CDC73: variants seen among roughly 807,000 people sequenced by gnomAD.
CDC73 encodes the protein cell division cycle 73.
In CDC73, 21 loss-of-function variants were observed where a neutral mutation model predicts 83.7. That is an observed-to-expected ratio of 0.25 (90% confidence interval 0.18 to 0.36). The LOEUF is 0.36. Ranked by LOEUF, CDC73 falls within the 10% of genes least tolerant of loss-of-function variation. The pLI is 1.00. For synonymous variants in CDC73, 224 were observed against 212.9 expected (o/e 1.05, Z -0.45); for missense variants, 342 against 653.3 (o/e 0.52, Z 5.19).
intron 11 of CDC73, among the ~76,000 whole-genome samples, chr1:193,209,531 T>C (rs74843493): frequency 0.011 from 1,623 of 152,282 alleles, 30 homozygotes; most frequent in African/African-American, 0.036. Context: ...TTGCTGTTGA[T>C]CACTCTGTCA....
intron 13 of CDC73, among the ~76,000 whole-genome samples, chr1:193,221,195 G>T (rs1677463835): frequency 6.6e-6 from 1 of 152,174 alleles, no homozygotes; most frequent in African/African-American, 2.4e-5. Context: ...AGAGAAGATT[G>T]GAGGATGGGG....
intron 10 of CDC73, among the ~76,000 whole-genome samples, chr1:193,165,223 A>T (rs1489627655): frequency 6.6e-6 from 1 of 152,212 alleles, no homozygotes; most frequent in East Asian, 1.9e-4. Context: ...ACAGGTTGAT[A>T]GTCAAATTAA....
At chr1:193,187,361 T>C (rs2103165037) in intron 10 of CDC73, among the ~76,000 whole-genome samples, 1 of 152,228 alleles carries the variant, frequency 6.6e-6, no homozygotes, top group East Asian at 1.9e-4. Flanking sequence ...GATCTGGGGG[T>C]AATGAGATTT....
chr1:193,248,146 T>G (rs1677984270), intron 15 of CDC73, among the ~76,000 whole-genome samples: 1 of 152,078 alleles, frequency 6.6e-6, no homozygotes, highest in Admixed American at 6.6e-5. Flanking sequence ...AGATGGGGAC[T>G]TTGAGTTGCA....
At chr1:193,234,759 A>C (rs1390462404) in intron 14 of CDC73, among the ~76,000 whole-genome samples, 3 of 152,148 alleles carry the variant, frequency 2.0e-5, no homozygotes, top group Non-Finnish European at 2.9e-5. Context: ...TGGGCTTTCA[A>C]CTGTTGTAAG....
chr1:193,125,046 A>T, intron 1 of CDC73, 66 bp from the exon 2 acceptor site: 1 of 843,280 alleles, frequency 1.2e-6, no homozygotes, highest in East Asian at 2.5e-5. Context: ...GTTTATATAA[A>T]TGAATCCAGC....
chr1:193,250,399 G>A (rs1678026079), intron 16 of CDC73, among the ~76,000 whole-genome samples: 1 of 151,754 alleles, frequency 6.6e-6, no homozygotes, highest in African/African-American at 2.4e-5. Context: ...TTCTCTTTGA[G>A]GTATGCTCCT....
At chr1:193,228,832 A>G (rs1173659733) in intron 13 of CDC73, among the ~76,000 whole-genome samples, 18 of 152,182 alleles carry the variant, frequency 1.2e-4, no homozygotes, top group Admixed American at 1.2e-3. Context: ...CACCATTAAG[A>G]AAATAAAAAG....
chr1:193,140,041 A>T lies in CDC73; in HGVS notation c.513-1809A>T, dbSNP rs1033849030. Among the ~76,000 whole-genome samples the T allele has an allele frequency of 1.1e-4, 16 of 152,300 alleles. 1 individual carries two copies. The highest frequency in any genetic ancestry group is 8.5e-4 in the Admixed American group (13 of 15,298). On this transcript the variant is annotated intron_variant, in intron 6 of 16. Transcript: ENST00000367435. Reference sequence around the variant, plus strand: ...AGTTCTCAGGTCTTCTGACCTATGAATTCTAAACACCTTGGTCTTGCTGTA... The same window carrying T: ...AGTTCTCAGGTCTTCTGACCTATGATTTCTAAACACCTTGGTCTTGCTGTA...
chr1:193,253,134 A>G lies in CDC73; in HGVS notation c.*2422A>G, dbSNP rs1678070394. 4.3e-6 allele frequency: 1 copy of G among 232,330 alleles called. No individual in the cohort carries two copies. The highest frequency in any genetic ancestry group is 2.2e-5 in the African/African-American group (1 of 45,304). The allele number at this position is 232,330 out of a possible 1,614,324, so 14.4% of individuals were successfully genotyped here. On this transcript the variant is annotated 3_prime_UTR_variant, in exon 17 of 17. Coordinates refer to ENST00000367435, the MANE Select transcript of CDC73 (RefSeq NM_024529.5). ...TTCTTCTCAGTCAAGGAACAGTAAG[A>G]AATATGTAGGTTTCAATCAGTTGCT... is the stretch of plus-strand genomic sequence containing the variant.
intron 3 of CDC73, among the ~76,000 whole-genome samples, chr1:193,132,119 T>C (rs1675706514): frequency 6.6e-6 from 1 of 152,248 alleles, no homozygotes; most frequent in Non-Finnish European, 1.5e-5. Context: ...AATACAACTA[T>C]TGGGTCTTAC....
At chr1:193,123,609 G>A (rs910243553) in intron 1 of CDC73, among the ~76,000 whole-genome samples, 11 of 151,782 alleles carry the variant, frequency 7.2e-5, no homozygotes, top group African/African-American at 2.2e-4. Context: ...TGAGTTTCTG[G>A]TATTTTACCC....
At chr1:193,160,543 G>A (rs1294953591) in intron 10 of CDC73, among the ~76,000 whole-genome samples, 4 of 151,954 alleles carry the variant, frequency 2.6e-5, no homozygotes, top group Admixed American at 2.0e-4. Flanking sequence ...TTTTCTTTCA[G>A]CTTAATAGAG....
intron 10 of CDC73, among the ~76,000 whole-genome samples, chr1:193,172,984 T>G (rs1453175924): frequency 6.6e-6 from 1 of 152,176 alleles, no homozygotes; most frequent in Non-Finnish European, 1.5e-5. Context: ...ATGAATACTA[T>G]AGCAAGTTTT....
intron 13 of CDC73, among the ~76,000 whole-genome samples, chr1:193,213,903 A>G (rs1677318213): frequency 6.6e-6 from 1 of 152,186 alleles, no homozygotes; most frequent in Non-Finnish European, 1.5e-5. Context: ...GGTAGTATAA[A>G]TTCAAATTTG....
intron 14 of CDC73, among the ~76,000 whole-genome samples, chr1:193,234,171 TCTCTCACACACACA>T (rs1309117943): frequency 2.0e-4 from 15 of 75,666 alleles, no homozygotes; most frequent in Non-Finnish European, 2.4e-4. Flanking sequence ...TCTCTCTCTC[TCTCTCACACACACA>T]CACACACACA....
intron 13 of CDC73, among the ~76,000 whole-genome samples, chr1:193,215,396 T>A (rs1677349778): frequency 6.6e-6 from 1 of 152,154 alleles, no homozygotes; most frequent in Admixed American, 6.5e-5. Context: ...TATTTTAGCC[T>A]TTTACCTCTG....
At chr1:193,135,232 A>G (rs1337894580) in intron 3 of CDC73, among the ~76,000 whole-genome samples, 159 bp from the exon 4 acceptor site, 3 of 152,186 alleles carry the variant, frequency 2.0e-5, no homozygotes, top group African/African-American at 7.2e-5. Flanking sequence ...TAATCTTTTA[A>G]ATAACATGTT....
chr1:193,155,587 G>T (rs533520805), intron 10 of CDC73, among the ~76,000 whole-genome samples: 1 of 152,112 alleles, frequency 6.6e-6, no homozygotes, highest in East Asian at 1.9e-4. Flanking sequence ...AGACCAGCTC[G>T]GTTAACATGG....
Sources: gnomAD v4.1 joint callset for allele counts (sites outside exome capture counted in the v4.1 genomes callset) on GRCh38, gnomAD v4.1.1 for gene constraint, MANE v1.5 for transcripts, NCBI Gene and HGNC (gene_info 2026-07-23, HGNC 2026-07-21) for gene names.